Variants in AGBL1 observed in about 807,000 individuals in gnomAD.
The protein encoded by AGBL1 is AGBL carboxypeptidase 1.
A neutral mutation model predicts 118.9 loss-of-function variants in AGBL1; 130 were observed. The ratio of observed to expected loss-of-function variants is 1.09; its 90% confidence interval spans 0.95 to 1.26. The LOEUF (loss-of-function observed/expected upper bound fraction) is 1.26, where lower values mean the gene tolerates loss of function less well. Ranked by LOEUF, AGBL1 falls within the 50% of genes most tolerant of loss-of-function variation. The probability of loss-of-function intolerance (pLI) is 0.00; values close to 1 mark genes in which losing one functional copy is unlikely to be tolerated. For missense variants in AGBL1, 1,584 were observed against 1,298.1 expected (o/e 1.22, Z -3.38); for synonymous variants, 555 against 478.9 (o/e 1.16, Z -2.08).
chr15:86,289,632 A>C (rs2079512729), intron 16 of AGBL1, among the ~76,000 whole-genome samples: 1 of 152,170 alleles, frequency 6.6e-6, no homozygotes. Context: ...GATTTCCTCC[A>C]TTCCTTGGCT....
chr15:86,359,987 T>G (rs2080779259), intron 17 of AGBL1, among the ~76,000 whole-genome samples: 1 of 152,006 alleles, frequency 6.6e-6, no homozygotes, highest in South Asian at 2.1e-4. Context: ...CAAACAGACA[T>G]AATTTTACTT....
At chr15:86,268,237 A>G (rs924848725) in intron 13 of AGBL1, among the ~76,000 whole-genome samples, 4 of 152,056 alleles carry the variant, frequency 2.6e-5, no homozygotes, top group Non-Finnish European at 5.9e-5. Flanking sequence ...TGTACATAAA[A>G]TATTTCAAGG....
At chr15:86,938,517 T>A (rs1490921913) in intron 23 of AGBL1, among the ~76,000 whole-genome samples, 1 of 152,200 alleles carries the variant, frequency 6.6e-6, no homozygotes, top group Admixed American at 6.5e-5. Flanking sequence ...CAGCTGAACG[T>A]ATTTCCAACT....
At chr15:86,087,632 C>T (rs1438808189) in intron 1 of AGBL1, among the ~76,000 whole-genome samples, 1 of 152,142 alleles carries the variant, frequency 6.6e-6, no homozygotes, top group African/African-American at 2.4e-5. Flanking sequence ...ACCCCGCCCT[C>T]ATTTAATCTT....
At chr15:86,937,816 A>C (rs2080695040) in intron 23 of AGBL1, among the ~76,000 whole-genome samples, 1 of 152,194 alleles carries the variant, frequency 6.6e-6, no homozygotes, top group East Asian at 1.9e-4. Flanking sequence ...TTAAAACAAA[A>C]GTTTCTTTCA....
intron 5 of AGBL1, 88 bp from the exon 6 acceptor site, chr15:86,224,826 G>T: frequency 7.9e-7 from 1 of 1,261,386 alleles, no homozygotes; most frequent in Non-Finnish European, 1.2e-6. Context: ...CTGTTATGGG[G>T]TGGCAATGGG....
intron 17 of AGBL1, among the ~76,000 whole-genome samples, chr15:86,354,116 G>T (rs1031043833): frequency 1.3e-5 from 2 of 152,118 alleles, no homozygotes; most frequent in African/African-American, 4.8e-5. Context: ...CTTGAGCATG[G>T]GTATTCCCAC....
intron 22 of AGBL1, among the ~76,000 whole-genome samples, chr15:86,856,636 C>G (rs1046041573): frequency 6.6e-6 from 1 of 152,210 alleles, no homozygotes; most frequent in Non-Finnish European, 1.5e-5. Flanking sequence ...TGTGCATTGT[C>G]CTTCACAGCA....
intron 17 of AGBL1, among the ~76,000 whole-genome samples, chr15:86,334,773 T>C (rs1450234146): frequency 6.6e-6 from 1 of 152,260 alleles, no homozygotes; most frequent in South Asian, 2.1e-4. Flanking sequence ...ACTATAAGGC[T>C]ACAGTAACCA....
chr15:86,881,417 G>A (rs1330261489), intron 22 of AGBL1, among the ~76,000 whole-genome samples: 1 of 152,060 alleles, frequency 6.6e-6, no homozygotes, highest in Admixed American at 6.6e-5. Flanking sequence ...AAATGATTCA[G>A]GAACCTACTC....
At chr15:86,761,661 A>C (rs181643758) in intron 22 of AGBL1, among the ~76,000 whole-genome samples, 1 of 152,006 alleles carries the variant, frequency 6.6e-6, no homozygotes, top group African/African-American at 2.4e-5. Context: ...TCATTTGTGC[A>C]CTTTTTAATG....
At chr15:86,160,101 T>G (rs1047967486) in intron 5 of AGBL1, among the ~76,000 whole-genome samples, 1,732 of 93,862 alleles carry the variant, frequency 0.018, 12 homozygotes, top group Middle Eastern at 0.028. Context: ...GAACTGTGGT[T>G]TTTTTTTTTT....
At chr15:86,979,017 G>A (rs1478809832) in intron 23 of AGBL1, among the ~76,000 whole-genome samples, 2 of 152,168 alleles carry the variant, frequency 1.3e-5, no homozygotes, top group African/African-American at 4.8e-5. Context: ...ACTGGTGAAG[G>A]CACAGGCTTC....
chr15:86,863,066 TTACTC>T (rs1475439753), intron 22 of AGBL1, among the ~76,000 whole-genome samples: 1 of 152,104 alleles, frequency 6.6e-6, no homozygotes, highest in Non-Finnish European at 1.5e-5. Context: ...AGGAGGTAAA[TTACTC>T]TACTCACTAG....
chr15:86,905,618 G>C (rs7181054), intron 22 of AGBL1, among the ~76,000 whole-genome samples: 94,170 of 152,094 alleles, frequency 0.62, 30,159 homozygotes, highest in African/African-American at 0.78. Flanking sequence ...CATGTGTTTT[G>C]TCATTTAGTA....
intron 22 of AGBL1, among the ~76,000 whole-genome samples, chr15:86,858,463 GGTGTGTGTGT>G (rs3059715): frequency 1.4e-4 from 20 of 147,090 alleles, no homozygotes; most frequent in East Asian, 8.2e-4. Context: ...CCTTTCAGGT[GGTGTGTGTGT>G]GTGTGTGTGT....
At chr15:86,562,347 C>T (rs1286488387) in intron 21 of AGBL1, among the ~76,000 whole-genome samples, 1 of 152,170 alleles carries the variant, frequency 6.6e-6, no homozygotes, top group Non-Finnish European at 1.5e-5. Context: ...GAGTTTTTAG[C>T]ATGAAGGGCT....
intron 18 of AGBL1, among the ~76,000 whole-genome samples, chr15:86,412,677 A>G (rs1290063568): frequency 6.6e-6 from 1 of 152,164 alleles, no homozygotes; most frequent in Non-Finnish European, 1.5e-5. Context: ...AAGTTGCTCT[A>G]AACAAGTGGT....
chr15:86,429,148 G>A (rs1027771954), intron 18 of AGBL1, among the ~76,000 whole-genome samples: 1 of 152,212 alleles, frequency 6.6e-6, no homozygotes, highest in African/African-American at 2.4e-5. Context: ...AGGACCTTAG[G>A]TCTAGAATAG....
Sources: allele counts gnomAD v4.1 joint callset (sites outside exome capture counted in the v4.1 genomes callset), GRCh38; gene constraint gnomAD v4.1.1; transcripts MANE v1.5; gene names NCBI Gene and HGNC (gene_info 2026-07-23, HGNC 2026-07-21).